Variants in MMP27 observed in about 807,000 individuals in gnomAD.
The protein encoded by MMP27 is matrix metalloproteinase-27.
In MMP27, 51 loss-of-function variants were observed where a neutral mutation model predicts 48.1. The observed-to-expected ratio is 1.06, with a 90% CI of 0.85 to 1.34. MMP27 has a LOEUF of 1.34. MMP27 is among the 40% of genes most tolerant of loss of function. The probability of loss-of-function intolerance (pLI) is 0.00; values close to 1 mark genes in which losing one functional copy is unlikely to be tolerated. For missense variants in MMP27, 698 were observed against 619.3 expected, an observed-to-expected ratio of 1.13 and a Z score of -1.35; for synonymous variants, 229 against 208.9, an observed-to-expected ratio of 1.10 and a Z score of -0.83.
In MMP27 at chr11:102,691,993, G is replaced by T. The variant is rs141611002; in HGVS notation, c.1315C>A (p.Arg439Ser). ...FQYKGFFFFS[R>S]GSKQFEYDIK... ...TCGTATTCAAATTGCTTTGATCCAC[G>T]GCTGAAAAAGAAGAATCCTAGAGAC... Residue 439 changes from arginine (R) to serine (S), a missense_variant, in exon 10 of 10, where the codon CGT becomes AGT. Transcript: ENST00000260229. 3.1e-6 allele frequency: 5 copies of T among 1,602,252 alleles called. No homozygotes were observed. The highest frequency in any genetic ancestry group is 4.3e-6 in the Non-Finnish European group (5 of 1,173,768).
intron 9 of MMP27, among the ~76,000 whole-genome samples, chr11:102,692,461 T>C (rs758075113): frequency 2.6e-5 from 4 of 152,182 alleles, no homozygotes; most frequent in Non-Finnish European, 4.4e-5. Flanking sequence ...GATTACCCCA[T>C]GGTCTAGGTC....
At position 102,704,695 on chromosome 11, in the gene MMP27, G is replaced by C; in HGVS notation, c.183C>G (p.Asp61Glu). ...VQSKNRSLID[D>E]KIREMQAFFG... ...AAAATGCTTGCATTTCCCGAATTTT[G>C]TCATCTATGAGACTCCTATTCTTGC... Residue 61 changes from aspartate to glutamate, a missense_variant, in exon 2 of 10, where the codon GAC (aspartate) becomes GAG (glutamate). Transcript: ENST00000260229. 1 of 1,613,606 alleles carries C rather than the reference G, an allele frequency of 6.2e-7. No homozygotes were observed. Among genetic ancestry groups the C allele is most frequent in the East Asian group, 2.2e-5 (1 of 44,830 alleles).
intron 7 of MMP27, 141 bp from the exon 8 acceptor site, chr11:102,694,206 A>C: frequency 1.9e-6 from 1 of 513,826 alleles, no homozygotes; most frequent in Non-Finnish European, 3.2e-6. Flanking sequence ...CATTCCTACC[A>C]CTTTCTTTAG....
rs545391449 is a variant in MMP27 at position 102,691,970 on chromosome 11, G to T, written c.1338C>A (p.Tyr446Ter). 5.6e-6 allele frequency: 9 copies of T among 1,609,386 alleles called. No homozygotes were observed. The highest frequency in any genetic ancestry group is 4.4e-5 in the South Asian group (4 of 90,242). Residue 446 changes from tyrosine (Y) to a stop codon, truncating the protein, a stop_gained, in exon 10 of 10, where the codon TAC becomes TAA. Coordinates refer to ENST00000260229, the MANE Select transcript of MMP27 (RefSeq NM_022122.3). LOFTEE classifies it low-confidence loss of function (END_TRUNC). ...FFSRGSKQFE[Y>*]DIKTKNITRI... is the part of the protein sequence containing the mutation. ...GGGTAATATTCTTTGTCTTAATGTC[G>T]TATTCAAATTGCTTTGATCCACGGC...
Position 102,702,859 on chromosome 11 carries a change from A to T in MMP27, c.513T>A (p.Tyr171Ter). 6.2e-7 allele frequency: 1 copy of T among 1,614,088 alleles called. No individual in the cohort carries two copies. Among genetic ancestry groups the T allele is most frequent in the Non-Finnish European group, 8.5e-7 (1 of 1,179,990 alleles). ...RTRVHGRCPR[Y>*]FDGPLGVLGH... ...CAAGCACTCCCAAGGGACCATCAAA[A>T]TAGCGAGGACACCGACCATGGACTG... Residue 171 changes from tyrosine (Y) to a stop codon, truncating the protein, a stop_gained, in exon 4 of 10, where the codon TAT becomes TAA. Coordinates refer to ENST00000260229, the MANE Select transcript of MMP27 (RefSeq NM_022122.3). LOFTEE classifies it high-confidence loss of function.
In MMP27 at chr11:102,702,825, A is replaced by G; in HGVS notation, c.547T>C (p.Phe183Leu). ...CCACCCAGACCCGGACCAGGAGGAA[A>G]GGCATGGCCAAGCACTCCCAAGGGA... is the stretch of plus-strand genomic sequence containing the variant. ...DGPLGVLGHA[F>L]PPGPGLGGDT... is the part of the protein sequence containing the mutation. The change falls in exon 4 of 10, where the codon TTT becomes CTT. Residue 183 changes from phenylalanine to leucine, a missense_variant. By Grantham distance (22) the Phe-to-Leu change is conservative. Transcript: ENST00000260229. 6.2e-7 allele frequency: 1 copy of G among 1,614,120 alleles called. No individual in the cohort carries two copies. Among genetic ancestry groups the G allele is most frequent in the Admixed American group, 1.7e-5 (1 of 60,014 alleles).
At position 102,696,457 on chromosome 11, in the gene MMP27, T is replaced by C; in HGVS notation, c.816A>G (p.Glu272=). ...GGTCACAGGCATGGGGTATAGTGGG[T>C]TCCTTTGGCTTAGCAGGTTCCTTAG... is the stretch of plus-strand genomic sequence containing the variant. ...GLPKEPAKPK[E]PTIPHACDPD... The change falls in exon 6 of 10, where the codon GAA becomes GAG. Residue 272 remains glutamate (E), a synonymous_variant. Coordinates refer to ENST00000260229, the MANE Select transcript of MMP27 (RefSeq NM_022122.3). 1 of 1,613,794 alleles carries C rather than the reference T, an allele frequency of 6.2e-7. No homozygotes were observed. Among genetic ancestry groups the C allele is most frequent in the Non-Finnish European group, 8.5e-7 (1 of 1,179,802 alleles).
intron 5 of MMP27, 51 bp downstream of exon 5, chr11:102,696,623 G>T: frequency 6.4e-7 from 1 of 1,570,074 alleles, no homozygotes; most frequent in Non-Finnish European, 8.6e-7. Context: ...CTTCCTTTCT[G>T]AAAAGCTTCC....
chr11:102,693,792 A>T (rs1250444796), intron 8 of MMP27, 114 bp downstream of exon 8: 1 of 945,914 alleles, frequency 1.1e-6, no homozygotes, highest in Non-Finnish European at 1.5e-6. Flanking sequence ...CTCAAAAAAA[A>T]TAAAAAAATA....
Position 102,703,020 on chromosome 11 carries a change from G to T in MMP27, c.440C>A (p.Thr147Asn), listed in dbSNP as rs774601852. 1 of 1,614,028 alleles carries T rather than the reference G, an allele frequency of 6.2e-7. No individual in the cohort carries two copies. Among genetic ancestry groups the T allele is most frequent in the Admixed American group, 1.7e-5 (1 of 60,006 alleles). Residue 147 changes from threonine (T) to asparagine (N), a missense_variant, in exon 3 of 10, where the codon ACC becomes AAC. Thr to Asn is a moderately conservative substitution (Grantham distance 65). Transcript: ENST00000260229. ...VWSKVTPLKF[T>N]KISKGIADIM... ...GTCTGCAATCCCCTTTGAAATCTTG[G>T]TGAATTTTAGTGGAGTGACTTTGCT...
chr11:102,697,789 C>T lies in MMP27; in HGVS notation c.620-954G>A, dbSNP rs1860858823. 2.0e-5 allele frequency among the ~76,000 whole-genome samples: 3 copies of T among 152,168 alleles called. 1 individual carries two copies. The South Asian group carries it at 6.2e-4, about 32-fold the overall frequency. On this transcript the variant is annotated intron_variant, in intron 4 of 9. Coordinates refer to ENST00000260229, the MANE Select transcript of MMP27 (RefSeq NM_022122.3). ...GAAGTGCTGGGATTACAGGTGTGAGCCACCATACCTGGCCTAAACTTTTAA... is the reference window on the plus strand; with the variant it reads ...GAAGTGCTGGGATTACAGGTGTGAGTCACCATACCTGGCCTAAACTTTTAA...
chr11:102,697,926 C>T (rs917187634), intron 4 of MMP27, among the ~76,000 whole-genome samples: 4 of 152,166 alleles, frequency 2.6e-5, no homozygotes, highest in Non-Finnish European at 5.9e-5. Flanking sequence ...TACTGTCTTC[C>T]ACCTCCACAT....
chr11:102,698,789 T>C (rs542463669), intron 4 of MMP27, among the ~76,000 whole-genome samples: 49 of 152,304 alleles, frequency 3.2e-4, no homozygotes, highest in South Asian at 6.2e-4. Context: ...AACTATCCTA[T>C]TTATTCCCCA....
chr11:102,696,603 A>G, intron 5 of MMP27, 71 bp downstream of exon 5: 1 of 1,568,162 alleles, frequency 6.4e-7, no homozygotes, highest in Non-Finnish European at 8.6e-7. Flanking sequence ...TCAAGAAGTG[A>G]TTTTCTTAAC....
Position 102,693,028 on chromosome 11 carries a change from T to C in MMP27, c.1207A>G (p.Thr403Ala), listed in dbSNP as rs370230727. 1 of 1,613,060 alleles carries C rather than the reference T, an allele frequency of 6.2e-7. No homozygotes were observed. The stretch of plus-strand genomic sequence containing the variant: ...GGGAACCCTTTGTCCATGGTTTGGG[T>C]CATTTCATCAAACCTGCATACAAGA... ...GIWCWRFDEMTQTMDKGFPQR... is the reference protein window; with the variant it reads ...GIWCWRFDEMAQTMDKGFPQR... Residue 403 changes from threonine to alanine, a missense_variant, in exon 9 of 10, where the codon ACC becomes GCC. Thr to Ala is a moderately conservative substitution (Grantham distance 58). Transcript: ENST00000260229.
In MMP27 at chr11:102,702,994, T is replaced by C. The variant is rs769547562; in HGVS notation, c.466A>G (p.Ile156Val). The change falls in exon 3 of 10, where the codon ATC (isoleucine) becomes GTC (valine). Residue 156 changes from isoleucine (I) to valine (V), a missense_variant. By Grantham distance (29) the Ile-to-Val change is conservative. Transcript: ENST00000260229. ...FTKISKGIAD[I>V]MIAFRTRVHG... ...CCTCGAGTCCTAAAGGCAATCATGA[T>C]GTCTGCAATCCCCTTTGAAATCTTG... The C allele has an allele frequency of 1.9e-6, 3 of 1,614,028 alleles. No individual in the cohort carries two copies. The highest frequency in any genetic ancestry group is 4.5e-5 in the East Asian group (2 of 44,902).
rs376993821 is a variant in MMP27 at position 102,691,892 on chromosome 11, T to G, written c.1416A>C (p.Ser472=). 6.2e-7 allele frequency: 1 copy of G among 1,613,618 alleles called. No individual in the cohort carries two copies. The highest frequency in any genetic ancestry group is 2.2e-5 in the East Asian group (1 of 44,766). The part of the protein sequence containing the change: ...WFQCKEPKNS[S]FGFDINKEKA... ...TTTCCTTGTTGATATCAAAACCAAA[T>G]GAGGAGTTCTTTGGTTCTTTGCATT... The change falls in exon 10 of 10, where the codon TCA becomes TCC. Residue 472 remains serine, a synonymous_variant. Transcript: ENST00000260229.
Position 102,702,840 on chromosome 11 carries a change from C to A in MMP27, c.532G>T (p.Val178Leu). The A allele has an allele frequency of 6.2e-7, 1 of 1,614,068 alleles. No homozygotes were observed. The highest frequency in any genetic ancestry group is 8.5e-7 in the Non-Finnish European group (1 of 1,179,982). The change falls in exon 4 of 10, where the codon GTG becomes TTG. Residue 178 changes from valine (V) to leucine (L), a missense_variant. By Grantham distance (32) the Val-to-Leu change is conservative (BLOSUM62 1). Coordinates refer to ENST00000260229, the MANE Select transcript of MMP27 (RefSeq NM_022122.3). ...CCAGGAGGAAAGGCATGGCCAAGCA[C>A]TCCCAAGGGACCATCAAAATAGCGA... ...CPRYFDGPLG[V>L]LGHAFPPGPG...
intron 2 of MMP27, among the ~76,000 whole-genome samples, chr11:102,703,979 C>T (rs1860996322): frequency 6.6e-6 from 1 of 152,202 alleles, no homozygotes; most frequent in South Asian, 2.1e-4. Context: ...GAGTGATGGT[C>T]AAGGTGACTG....
Sources: allele counts gnomAD v4.1 joint callset (sites outside exome capture counted in the v4.1 genomes callset), GRCh38; gene constraint gnomAD v4.1.1; transcripts MANE v1.5; gene names NCBI Gene and HGNC (gene_info 2026-07-23, HGNC 2026-07-21).